The following HS6ST3 variants were observed in gnomAD, a reference collection of about 807,000 sequenced individuals.
HS6ST3 encodes the protein heparan-sulfate 6-O-sulfotransferase 3.
HS6ST3 carries 12 observed loss-of-function variants against 36.7 expected under a neutral mutation model. The ratio of observed to expected loss-of-function variants is 0.33; its 90% CI spans 0.21 to 0.53. HS6ST3 has a LOEUF of 0.53. Among genes scored for constraint, HS6ST3 ranks in the 20% least tolerant of loss-of-function variants. The pLI is 0.95. For synonymous variants in HS6ST3, 240 were observed against 257.5 expected (o/e 0.93, Z 0.65); for missense variants, 584 against 640.9 (o/e 0.91, Z 0.96).
chr13:96,518,953 C>T (rs889266625), intron 1 of HS6ST3, among the ~76,000 whole-genome samples: 2 of 152,126 alleles, frequency 1.3e-5, no homozygotes, highest in Non-Finnish European at 2.9e-5. Flanking sequence ...TTTCTATGTA[C>T]AAGCTATTAG....
chr13:96,165,251 C>A (rs2054154944), intron 1 of HS6ST3, among the ~76,000 whole-genome samples: 1 of 152,112 alleles, frequency 6.6e-6, no homozygotes, highest in African/African-American at 2.4e-5. Flanking sequence ...GTCTGGAGGC[C>A]TCAATTGACT....
intron 1 of HS6ST3, among the ~76,000 whole-genome samples, chr13:96,193,173 A>G (rs985739224): frequency 6.6e-6 from 1 of 152,172 alleles, no homozygotes; most frequent in Non-Finnish European, 1.5e-5. Flanking sequence ...CTCTTTGCTT[A>G]GGTTTTAGGT....
At chr13:96,131,750 T>TA (rs1473717671) in intron 1 of HS6ST3, among the ~76,000 whole-genome samples, 5 of 151,512 alleles carry the variant, frequency 3.3e-5, no homozygotes, top group African/African-American at 1.2e-4. Flanking sequence ...CTACTCTTTT[T>TA]TTTTTTTAAT....
chr13:96,726,817 AT>A (rs1169297571), intron 1 of HS6ST3, among the ~76,000 whole-genome samples: 9 of 151,686 alleles, frequency 5.9e-5, no homozygotes, highest in Admixed American at 1.3e-4. Flanking sequence ...TCTCATTTAC[AT>A]TATTTCCAGT....
chr13:96,376,236 A>C (rs1482957898), intron 1 of HS6ST3, among the ~76,000 whole-genome samples: 1 of 152,236 alleles, frequency 6.6e-6, no homozygotes, highest in Non-Finnish European at 1.5e-5. Flanking sequence ...TTTATAGAAC[A>C]AATGTGCAAA....
At chr13:96,533,681 G>A (rs749538965) in intron 1 of HS6ST3, among the ~76,000 whole-genome samples, 40 of 152,242 alleles carry the variant, frequency 2.6e-4, no homozygotes, top group African/African-American at 8.7e-4. Flanking sequence ...ATGAGGCCGC[G>A]GAAGCCATCA....
intron 1 of HS6ST3, among the ~76,000 whole-genome samples, chr13:96,271,255 C>T (rs1205019613): frequency 6.6e-6 from 1 of 151,786 alleles, no homozygotes; most frequent in Non-Finnish European, 1.5e-5. Context: ...CATACAGATG[C>T]AAATATGTGT....
chr13:96,349,782 A>G (rs886331830), intron 1 of HS6ST3, among the ~76,000 whole-genome samples: 1 of 152,250 alleles, frequency 6.6e-6, no homozygotes, highest in African/African-American at 2.4e-5. Flanking sequence ...TTAATGCCAT[A>G]TGACCTCAAT....
At chr13:96,677,598 A>G (rs1276869349) in intron 1 of HS6ST3, among the ~76,000 whole-genome samples, 1 of 152,168 alleles carries the variant, frequency 6.6e-6, no homozygotes, top group Admixed American at 6.5e-5. Context: ...GAGAAAAATT[A>G]AAGTGAAAGA....
intron 1 of HS6ST3, among the ~76,000 whole-genome samples, chr13:96,336,294 T>C (rs2055100566): frequency 6.6e-6 from 1 of 152,222 alleles, no homozygotes; most frequent in East Asian, 1.9e-4. Flanking sequence ...GCTTCTACTA[T>C]TTGCCTCTGT....
intron 1 of HS6ST3, among the ~76,000 whole-genome samples, chr13:96,500,966 T>C (rs186788413): frequency 6.6e-6 from 1 of 152,184 alleles, no homozygotes; most frequent in Non-Finnish European, 1.5e-5. Context: ...ATAATGCAGT[T>C]TGGCAATCTC....
At chr13:96,451,043 A>G (rs2055725368) in intron 1 of HS6ST3, among the ~76,000 whole-genome samples, 1 of 151,350 alleles carries the variant, frequency 6.6e-6, no homozygotes. Context: ...CAGCTAGTTT[A>G]TTTCTAACTT....
intron 1 of HS6ST3, among the ~76,000 whole-genome samples, chr13:96,681,524 T>G (rs2056718311): frequency 6.6e-6 from 1 of 152,196 alleles, no homozygotes; most frequent in Admixed American, 6.6e-5. Flanking sequence ...CTGTCCTAGA[T>G]TGACAAGGAT....
intron 1 of HS6ST3, among the ~76,000 whole-genome samples, chr13:96,678,951 C>T (rs139832464): frequency 6.6e-6 from 1 of 151,962 alleles, no homozygotes; most frequent in African/African-American, 2.4e-5. Flanking sequence ...TTTTGTTATT[C>T]ACAAAACAGT....
chr13:96,345,690 G>C (rs191706349), intron 1 of HS6ST3, among the ~76,000 whole-genome samples: 1 of 152,104 alleles, frequency 6.6e-6, no homozygotes, highest in Admixed American at 6.5e-5. Context: ...GTTGGGTGGG[G>C]ATGGTTTTGA....
chr13:96,793,674 G>T (rs117136276), intron 1 of HS6ST3, among the ~76,000 whole-genome samples: 1 of 152,210 alleles, frequency 6.6e-6, no homozygotes, highest in Non-Finnish European at 1.5e-5. Context: ...CTGGTCGGAG[G>T]ACTGCAGTGT....
intron 1 of HS6ST3, among the ~76,000 whole-genome samples, chr13:96,770,371 T>A (rs2138506761): frequency 6.6e-6 from 1 of 152,364 alleles, no homozygotes; most frequent in South Asian, 2.1e-4. Context: ...TGCTGGCATA[T>A]TCTGATTTTT....
At chr13:96,465,440 G>T (rs893032296) in intron 1 of HS6ST3, among the ~76,000 whole-genome samples, 67 of 152,278 alleles carry the variant, frequency 4.4e-4, no homozygotes, top group African/African-American at 1.5e-3. Context: ...ACTTCCCACG[G>T]ATAAATCATG....
At chr13:96,433,014 C>A (rs906157406) in intron 1 of HS6ST3, among the ~76,000 whole-genome samples, 1 of 152,088 alleles carries the variant, frequency 6.6e-6, no homozygotes, top group African/African-American at 2.4e-5. Context: ...GCCTATTTGG[C>A]TAATAAATAG....
Sources: gnomAD v4.1 joint callset for allele counts (sites outside exome capture counted in the v4.1 genomes callset) on GRCh38, gnomAD v4.1.1 for gene constraint, MANE v1.5 for transcripts, NCBI Gene and HGNC (gene_info 2026-07-23, HGNC 2026-07-21) for gene names.